Variants in PPP6R3 observed in about 807,000 individuals in gnomAD.
The protein encoded by PPP6R3 is serine/threonine-protein phosphatase 6 regulatory subunit 3.
Under a neutral mutation model 110.7 loss-of-function variants are expected in PPP6R3, and 38 were observed. The ratio of observed to expected loss-of-function variants is 0.34; its 90% confidence interval spans 0.26 to 0.45. The LOEUF is 0.45. Ranked by LOEUF, PPP6R3 falls within the 20% of genes least tolerant of loss-of-function variation. The pLI, the probability that PPP6R3 is intolerant of heterozygous loss-of-function variation, is 1.00. For synonymous variants in PPP6R3, 369 were observed against 373.5 expected (o/e 0.99, Z 0.14); for missense variants, 870 against 1,062.4 (o/e 0.82, Z 2.52).
At chr11:68,597,445 G>T (rs2099617339) in intron 19 of PPP6R3, among the ~76,000 whole-genome samples, 1 of 152,222 alleles carries the variant, frequency 6.6e-6, no homozygotes, top group African/African-American at 2.4e-5. Context: ...ATTTGACTAA[G>T]AAGATCATTA....
intron 8 of PPP6R3, among the ~76,000 whole-genome samples, chr11:68,563,067 A>AG (rs1397946561): frequency 4.1e-5 from 6 of 147,180 alleles, no homozygotes; most frequent in Non-Finnish European, 7.5e-5. Flanking sequence ...TGGGAGGCTG[A>AG]GGGGGGAGGA....
intron 3 of PPP6R3, among the ~76,000 whole-genome samples, chr11:68,542,357 T>G: frequency 3.2e-5 from 4 of 124,934 alleles, no homozygotes; most frequent in Non-Finnish European, 3.3e-5. Flanking sequence ...GAGGGTGGAG[T>G]GGAGGCATCT....
At chr11:68,520,421 G>A (rs987599693) in intron 2 of PPP6R3, among the ~76,000 whole-genome samples, 5 of 152,154 alleles carry the variant, frequency 3.3e-5, no homozygotes, top group Non-Finnish European at 7.3e-5. Flanking sequence ...TGTTACCACG[G>A]CTGCAAAGCT....
intron 1 of PPP6R3, among the ~76,000 whole-genome samples, chr11:68,515,942 A>G (rs2099134492): frequency 6.6e-6 from 1 of 152,236 alleles, no homozygotes; most frequent in Non-Finnish European, 1.5e-5. Context: ...TTTTAAGTGT[A>G]CAGTTAATAG....
chr11:68,518,227 A>G (rs1049040950), intron 1 of PPP6R3, among the ~76,000 whole-genome samples: 1 of 152,248 alleles, frequency 6.6e-6, no homozygotes, highest in African/African-American at 2.4e-5. Flanking sequence ...TTTATAGTGA[A>G]GAAATCTGGC....
At position 68,478,647 on chromosome 11, in the gene PPP6R3, G is replaced by GTTTTTTTTTTTTTTTTT; in HGVS notation, c.-158+17829_-158+17845dup. 3.2e-3 allele frequency among the ~76,000 whole-genome samples: 163 copies of GTTTTTTTTTTTTTTTTT among 50,508 alleles called. 62 individuals carry two copies. The highest frequency in any genetic ancestry group is 8.0e-3 in the African/African-American group (82 of 10,266). 33.1% of individuals were successfully genotyped at this position (50,508 alleles called of 152,430 possible). A position where few individuals can be genotyped will look rare whatever the true frequency, so the allele number is the denominator to read the frequency against. ...ACTGATGAGTTAGTGCACTTGGTAA[G>GTTTTTTTTTTTTTTTTT]TTTTTTTTTTTTTTTTTTTTTTTTT... is the stretch of plus-strand genomic sequence containing the variant. On this transcript the variant is annotated intron_variant, in intron 1 of 23. Coordinates refer to ENST00000393800, the MANE Select transcript of PPP6R3 (RefSeq NM_001164161.2).
rs144641212 is a variant in PPP6R3 at position 68,544,842 on chromosome 11, C to T, written c.232C>T (p.Pro78Ser). 4.6e-4 allele frequency: 722 copies of T among 1,583,356 alleles called. No homozygotes were observed. The highest frequency in any genetic ancestry group is 5.8e-4 in the Non-Finnish European group (673 of 1,155,542). Reference sequence around the variant, plus strand: ...GTAAATATCCTGTTCTTCTAGGTATCCAAATATATCTTGTGAGTTGCTCAC... The same window carrying T: ...GTAAATATCCTGTTCTTCTAGGTATTCAAATATATCTTGTGAGTTGCTCAC... ...DMDEKIRYKYPNISCELLTSD... is the reference protein window; with the variant it reads ...DMDEKIRYKYSNISCELLTSD... Residue 78 changes from proline to serine, a missense_variant, in exon 4 of 24, where the codon CCA becomes TCA. Transcript: ENST00000393800.
intron 18 of PPP6R3, among the ~76,000 whole-genome samples, chr11:68,595,361 G>A (rs919523674): frequency 2.0e-5 from 3 of 151,694 alleles, no homozygotes; most frequent in Non-Finnish European, 4.4e-5. Flanking sequence ...AATTACAGGT[G>A]CCCGCCACCA....
At position 68,587,653 on chromosome 11, in the gene PPP6R3, C is replaced by T. The variant is rs2099583024; in HGVS notation, c.1633-274C>T. On this transcript the variant is annotated intron_variant, in intron 15 of 23. Coordinates refer to ENST00000393800, the MANE Select transcript of PPP6R3 (RefSeq NM_001164161.2). ...TAAACTAGGCTTAATCCAAACCTCT[C>T]TCTAAAGATAATTCACAATAGAGGA... 4.3e-5 allele frequency: 21 copies of T among 489,786 alleles called. 1 individual carries two copies. In the South Asian group the frequency reaches 4.3e-4, roughly 10 times the overall value. The allele number at this position is 489,786 out of a possible 1,614,324, so 30.3% of individuals were successfully genotyped here. A position where few individuals can be genotyped will look rare whatever the true frequency, so the allele number is the denominator to read the frequency against.
At chr11:68,559,805 C>T (rs112181910) in intron 8 of PPP6R3, among the ~76,000 whole-genome samples, 4 of 110,708 alleles carry the variant, frequency 3.6e-5, no homozygotes, top group Admixed American at 1.9e-4. Context: ...CCCACCCCAG[C>T]GGTACAGTAC....
Position 68,613,236 on chromosome 11 carries a change from G to GACCAGCAACCTTTATATTCT in PPP6R3, c.*121_*140dup. The GACCAGCAACCTTTATATTCT allele has an allele frequency of 4.1e-6, 6 of 1,471,450 alleles. No individual in the cohort carries two copies. The highest frequency in any genetic ancestry group is 5.4e-6 in the Non-Finnish European group (6 of 1,113,188). The allele number at this position is 1,471,450 out of a possible 1,614,324, so 91.1% of individuals were successfully genotyped here. On this transcript the variant is annotated 3_prime_UTR_variant, in exon 24 of 24. Transcript: ENST00000393800. ...CTGCACTCACTCTGCAAGGGATCAG[G>GACCAGCAACCTTTATATTCT]ACCAGCAACCTTTATATTCTAGATT...
intron 12 of PPP6R3, among the ~76,000 whole-genome samples, chr11:68,572,956 T>C (rs1172774027): frequency 1.3e-5 from 2 of 148,750 alleles, no homozygotes; most frequent in African/African-American, 2.5e-5. Context: ...GTTTTTTTTT[T>C]CTTATTGCTC....
At chr11:68,551,059 T>C in intron 5 of PPP6R3, 62 bp from the exon 6 acceptor site, 1 of 1,132,842 alleles carries the variant, frequency 8.8e-7, no homozygotes, top group African/African-American at 1.6e-5. Context: ...TATGTTAATC[T>C]ACATTGGGGC....
intron 2 of PPP6R3, among the ~76,000 whole-genome samples, chr11:68,522,110 ACTTG>A (rs1432562982): frequency 6.6e-6 from 1 of 152,232 alleles, no homozygotes; most frequent in African/African-American, 2.4e-5. Context: ...TTCTCTTGAT[ACTTG>A]CTTTTTAGCA....
chr11:68,528,435 G>GT (rs1555110064), intron 2 of PPP6R3, among the ~76,000 whole-genome samples: 6 of 83,742 alleles, frequency 7.2e-5, no homozygotes, highest in East Asian at 8.2e-4. Context: ...TGTGTGTGTG[G>GT]GGGGGGGGGC....
At chr11:68,511,616 G>T (rs1188156656) in intron 1 of PPP6R3, among the ~76,000 whole-genome samples, 1 of 151,262 alleles carries the variant, frequency 6.6e-6, no homozygotes, top group Non-Finnish European at 1.5e-5. Flanking sequence ...GAGTAGCTGG[G>T]ATTACAGGTG....
intron 17 of PPP6R3, among the ~76,000 whole-genome samples, 195 bp from the exon 18 acceptor site, chr11:68,591,381 C>A (rs1038915033): frequency 4.6e-5 from 7 of 152,100 alleles, no homozygotes; most frequent in African/African-American, 1.7e-4. Flanking sequence ...TTTAGGGAAA[C>A]CCAGTCTTTT....
At chr11:68,461,472 C>T (rs1485020716) in intron 1 of PPP6R3, among the ~76,000 whole-genome samples, 1 of 135,050 alleles carries the variant, frequency 7.4e-6, no homozygotes, top group Non-Finnish European at 1.6e-5. Context: ...CGAATGCCTC[C>T]CTGGTGTATT....
chr11:68,575,358 C>T (rs2099526556), intron 13 of PPP6R3, among the ~76,000 whole-genome samples: 1 of 152,148 alleles, frequency 6.6e-6, no homozygotes, highest in Non-Finnish European at 1.5e-5. Context: ...TAACATTTCT[C>T]TAGAAGGTAG....
Sources: gnomAD v4.1 joint callset for allele counts (sites outside exome capture counted in the v4.1 genomes callset) on GRCh38, gnomAD v4.1.1 for gene constraint, MANE v1.5 for transcripts, NCBI Gene and HGNC (gene_info 2026-07-23, HGNC 2026-07-21) for gene names.